Variants in BLTP1 observed in about 807,000 individuals in gnomAD.
BLTP1 encodes the protein bridge-like lipid transfer protein family member 1, also known as fragile site-associated protein.
chr4:122,341,805 T>C, the BLTP1 span: 8,062 of 985,336 alleles, frequency 8.2e-3, 506 homozygotes, highest in African/African-American at 0.13. Flanking sequence ...TAAACTGAAT[T>C]TGGAGAAACA....
the BLTP1 span, chr4:122,167,651 C>T: frequency 1.2e-5 from 12 of 985,190 alleles, no homozygotes; most frequent in African/African-American, 1.4e-4. Context: ...GTATGCTCCT[C>T]ATCTCACTCT....
At chr4:122,336,347 T>G in the BLTP1 span, 2 of 1,602,554 alleles carry the variant, frequency 1.2e-6, no homozygotes, top group Non-Finnish European at 1.7e-6. Flanking sequence ...TGAAAGGAAT[T>G]ATACAGGTAA....
chr4:122,270,389 G>A, the BLTP1 span: 1 of 977,692 alleles, frequency 1.0e-6, no homozygotes, highest in South Asian at 4.7e-5. Flanking sequence ...GTTATTATTG[G>A]TAGCTGGTTT....
the BLTP1 span, among the ~76,000 whole-genome samples, chr4:122,352,551 G>T: frequency 1.3e-5 from 2 of 151,652 alleles, no homozygotes; most frequent in Non-Finnish European, 2.9e-5. Flanking sequence ...GTAGAGACAG[G>T]GTTTCACCAT....
chr4:122,242,036 A>G, the BLTP1 span, among the ~76,000 whole-genome samples: 2 of 152,196 alleles, frequency 1.3e-5, no homozygotes, highest in East Asian at 1.9e-4. Context: ...GGAAATGTAA[A>G]TTAGTATAGC....
chr4:122,308,588 T>C, the BLTP1 span, among the ~76,000 whole-genome samples: 1 of 152,100 alleles, frequency 6.6e-6, no homozygotes, highest in Non-Finnish European at 1.5e-5. Context: ...AATGCTTTTA[T>C]ACTGTAATAT....
the BLTP1 span, chr4:122,334,558 T>C: frequency 6.2e-7 from 1 of 1,601,010 alleles, no homozygotes; most frequent in Non-Finnish European, 8.5e-7. Flanking sequence ...ATTTAAGGAG[T>C]ATATACTTTA....
At chr4:122,319,405 G>T in the BLTP1 span, among the ~76,000 whole-genome samples, 3 of 151,364 alleles carry the variant, frequency 2.0e-5, no homozygotes, top group East Asian at 5.8e-4. Flanking sequence ...TTTGATAAGT[G>T]TGTTTTGATT....
the BLTP1 span, chr4:122,153,159 GTTTTTTT>G: frequency 3.2e-5 from 4 of 125,672 alleles, no homozygotes; most frequent in Non-Finnish European, 5.9e-5. Flanking sequence ...AGTTGTTGTC[GTTTTTTT>G]TTTTTTTTTT....
the BLTP1 span, chr4:122,172,183 T>C: frequency 2.6e-6 from 1 of 386,364 alleles, no homozygotes; most frequent in Non-Finnish European, 3.5e-6. Flanking sequence ...TGACTCTCAG[T>C]GATTGTTTTG....
At chr4:122,325,264 A>G in the BLTP1 span, 2 of 1,609,616 alleles carry the variant, frequency 1.2e-6, no homozygotes, top group Admixed American at 1.7e-5. Flanking sequence ...GCTCCCAGAA[A>G]TCCGTGTGGA....
chr4:122,251,588 T>C, the BLTP1 span: 3 of 985,216 alleles, frequency 3.0e-6, no homozygotes, highest in Non-Finnish European at 3.6e-6. Flanking sequence ...ACAAAAGAGC[T>C]GAGAAAAGCC....
chr4:122,349,659 A>G, the BLTP1 span: 11 of 1,587,318 alleles, frequency 6.9e-6, no homozygotes, highest in Non-Finnish European at 9.5e-6. The surrounding 1 kb of genome is among the most constrained non-coding windows in gnomAD (Gnocchi z 4.5). Flanking sequence ...ATTAAGGATT[A>G]CTTTTTGGAC....
chr4:122,187,432 G>A, the BLTP1 span: 4 of 1,610,984 alleles, frequency 2.5e-6, no homozygotes, highest in Non-Finnish European at 3.4e-6. Flanking sequence ...TCTTGTTAGA[G>A]TTAAAGTAAA....
the BLTP1 span, chr4:122,204,586 TA>T: frequency 3.0e-6 from 3 of 984,724 alleles, no homozygotes; most frequent in Non-Finnish European, 3.6e-6. Flanking sequence ...ATGTTGGCAA[TA>T]AAGATGGTTA....
the BLTP1 span, chr4:122,162,684 A>T: frequency 1.0e-6 from 1 of 984,086 alleles, no homozygotes; most frequent in Non-Finnish European, 1.2e-6. Flanking sequence ...GTTAAGAAAA[A>T]TAGAAGAGGA....
chr4:122,187,491 C>T, the BLTP1 span: 2 of 1,612,026 alleles, frequency 1.2e-6, no homozygotes, highest in Non-Finnish European at 8.5e-7. Context: ...TTATTCCAGT[C>T]ATAAAGGTCA....
At chr4:122,278,680 G>T in the BLTP1 span, among the ~76,000 whole-genome samples, 1 of 152,160 alleles carries the variant, frequency 6.6e-6, no homozygotes, top group Non-Finnish European at 1.5e-5. Flanking sequence ...TCCCCATGCG[G>T]GAGTGCAGTG....
the BLTP1 span, among the ~76,000 whole-genome samples, chr4:122,205,641 T>TTC: frequency 4.7e-5 from 5 of 105,700 alleles, no homozygotes; most frequent in East Asian, 2.7e-4. Context: ...TTCCCCCCCC[T>TTC]TCTCTCTCTC....
Sources: gnomAD v4.1 joint callset for allele counts (sites outside exome capture counted in the v4.1 genomes callset) on GRCh38, gnomAD v4.1.1 for gene constraint, Gnocchi (gnomAD v3.1) non-coding constraint, MANE v1.5 for transcripts, NCBI Gene and HGNC (gene_info 2026-07-23, HGNC 2026-07-21) for gene names.